Variants in DCC observed in about 807,000 individuals in gnomAD.
DCC encodes the protein netrin receptor DCC.
DCC carries 58 observed loss-of-function variants against 172.5 expected under a neutral mutation model. The ratio of observed to expected loss-of-function variants is 0.34; its 90% confidence interval spans 0.27 to 0.42. The LOEUF (loss-of-function observed/expected upper bound fraction) is 0.42. DCC is among the 10% of genes least tolerant of loss of function. The pLI is 1.00. For missense variants in DCC, 1,740 were observed against 1,791.0 expected (o/e 0.97, Z 0.51); for synonymous variants, 709 against 644.5 (o/e 1.10, Z -1.52).
At chr18:52,889,931 GA>G (rs975815114) in intron 2 of DCC, among the ~76,000 whole-genome samples, 60 of 152,172 alleles carry the variant, frequency 3.9e-4, no homozygotes, top group African/African-American at 1.4e-3. Context: ...AAAACAAGGA[GA>G]GTGTTAATTG....
intron 1 of DCC, among the ~76,000 whole-genome samples, chr18:52,644,036 A>G (rs1427209677): frequency 1.3e-5 from 2 of 152,130 alleles, no homozygotes; most frequent in Admixed American, 1.3e-4. Context: ...GAAGGAGTCC[A>G]TATGAAATCC....
intron 25 of DCC, among the ~76,000 whole-genome samples, chr18:53,470,928 C>A (rs2045688276): frequency 1.3e-5 from 2 of 152,284 alleles, no homozygotes; most frequent in Admixed American, 6.5e-5. Context: ...TATAAATCAA[C>A]TTACTCTGTT....
In DCC at chr18:53,518,655, T is replaced by A. The variant is rs192773987; in HGVS notation, c.4112-7962T>A. On this transcript the variant is annotated intron_variant, in intron 27 of 28. Coordinates refer to ENST00000442544, the MANE Select transcript of DCC (RefSeq NM_005215.4). The stretch of plus-strand genomic sequence containing the variant: ...CTCTTAGTGGGTCCTGCTGAGGAGA[T>A]AACACTAAAACCAAAGCGATGCTCA... 2.0e-4 allele frequency among the ~76,000 whole-genome samples: 30 copies of A among 152,256 alleles called. No individual in the cohort carries two copies. In the East Asian group the frequency reaches 5.0e-3, roughly 25 times the overall value.
Position 53,534,581 on chromosome 18 carries a change from G to A in DCC, c.*3928G>A, listed in dbSNP as rs1198025582. ...TCAGAAATCACTTTAGTATTGTACA[G>A]AAAAGCTTTTTATTTGAGTCTAGTG... On this transcript the variant is annotated 3_prime_UTR_variant, in exon 29 of 29. Coordinates refer to ENST00000442544, the MANE Select transcript of DCC (RefSeq NM_005215.4). 3 of 152,164 alleles carry A rather than the reference G, an allele frequency of 2.0e-5. No individual in the cohort carries two copies. Among genetic ancestry groups the A allele is most frequent in the African/African-American group, 7.2e-5 (3 of 41,450 alleles). 9.4% of individuals were successfully genotyped at this position (152,164 alleles called of 1,614,324 possible).
intron 7 of DCC, among the ~76,000 whole-genome samples, chr18:53,090,834 G>A (rs1307927639): frequency 2.7e-5 from 4 of 150,046 alleles, no homozygotes; most frequent in South Asian, 2.1e-4. Flanking sequence ...GTCTTAGGAC[G>A]TAGGACAATT....
At chr18:52,415,207 A>G (rs1986978235) in intron 1 of DCC, among the ~76,000 whole-genome samples, 1 of 152,142 alleles carries the variant, frequency 6.6e-6, no homozygotes, top group Non-Finnish European at 1.5e-5. Flanking sequence ...ACCTTTTCAT[A>G]TATTTTTTCA....
rs556114370 is a variant in DCC, at chr18:52,997,486, A to G, written c.986-65819A>G. On this transcript the variant is annotated intron_variant, in intron 5 of 28. Coordinates refer to ENST00000442544, the MANE Select transcript of DCC (RefSeq NM_005215.4). ...CTAAGTCTCCATTCAGGATTCACATATGCCAAAATATGATAGGACAGACTT... is the reference window on the plus strand; with the variant it reads ...CTAAGTCTCCATTCAGGATTCACATGTGCCAAAATATGATAGGACAGACTT... Among the ~76,000 whole-genome samples the G allele has an allele frequency of 2.6e-5, 4 of 152,236 alleles. No homozygotes were observed. The East Asian group carries it at 7.7e-4, about 29-fold the overall frequency.
intron 1 of DCC, among the ~76,000 whole-genome samples, chr18:52,521,513 G>A (rs1027073882): frequency 1.3e-5 from 2 of 152,128 alleles, no homozygotes; most frequent in Non-Finnish European, 2.9e-5. Flanking sequence ...CTTACTGTGT[G>A]CCTACATGGC....
At chr18:53,366,352 A>G (rs987424690) in intron 15 of DCC, among the ~76,000 whole-genome samples, 3 of 152,172 alleles carry the variant, frequency 2.0e-5, no homozygotes, top group Non-Finnish European at 2.9e-5. Context: ...CCAGCCCTTA[A>G]TATGTTAATA....
intron 1 of DCC, among the ~76,000 whole-genome samples, chr18:52,712,824 C>G (rs1474415075): frequency 6.6e-6 from 1 of 152,162 alleles, no homozygotes; most frequent in African/African-American, 2.4e-5. Flanking sequence ...AGAGGGAGAG[C>G]TGCAGATGGA....
At chr18:53,310,991 G>GAC (rs5825008) in intron 13 of DCC, among the ~76,000 whole-genome samples, 3,304 of 145,782 alleles carry the variant, frequency 0.023, 38 homozygotes, top group African/African-American at 0.037. Flanking sequence ...AAGCATCTAG[G>GAC]ACACACACAC....
intron 12 of DCC, among the ~76,000 whole-genome samples, chr18:53,264,422 G>A (rs1598962702): frequency 6.7e-6 from 1 of 148,976 alleles, no homozygotes; most frequent in East Asian, 2.0e-4. Flanking sequence ...GTTGCAGTGA[G>A]CTGAGATTGC....
intron 2 of DCC, among the ~76,000 whole-genome samples, chr18:52,825,164 T>A (rs890469461): frequency 1.4e-4 from 22 of 152,214 alleles, no homozygotes; most frequent in African/African-American, 5.3e-4. Context: ...AATTCATTAT[T>A]GTAATGATAT....
intron 2 of DCC, among the ~76,000 whole-genome samples, chr18:52,833,184 C>T (rs2038647463): frequency 6.6e-6 from 1 of 152,134 alleles, no homozygotes; most frequent in African/African-American, 2.4e-5. Flanking sequence ...ATTACCTCCA[C>T]TTAGCAAGTC....
chr18:52,491,153 CTCTTTA>C (rs2030479495), intron 1 of DCC, among the ~76,000 whole-genome samples: 1 of 151,976 alleles, frequency 6.6e-6, no homozygotes, highest in South Asian at 2.1e-4. Context: ...TTCCTCTTTT[CTCTTTA>C]TCTTACCCCA....
chr18:52,583,018 A>G (rs530636674), intron 1 of DCC, among the ~76,000 whole-genome samples: 1 of 152,308 alleles, frequency 6.6e-6, no homozygotes, highest in South Asian at 2.1e-4. Flanking sequence ...CAAAAATTAT[A>G]GAGTATCTGA....
chr18:52,922,533 C>T (rs902133417), intron 3 of DCC, among the ~76,000 whole-genome samples: 1 of 152,136 alleles, frequency 6.6e-6, no homozygotes, highest in Non-Finnish European at 1.5e-5. Flanking sequence ...TCTTTGCATC[C>T]AGATTTTGCT....
chr18:53,277,232 G>C (rs1023230655), intron 12 of DCC, among the ~76,000 whole-genome samples: 6 of 152,146 alleles, frequency 3.9e-5, no homozygotes, highest in African/African-American at 1.2e-4. Context: ...CACTTTGGGA[G>C]GCCAAGGCGG....
intron 1 of DCC, among the ~76,000 whole-genome samples, chr18:52,380,048 T>A (rs1985518662): frequency 6.6e-6 from 1 of 151,992 alleles, no homozygotes; most frequent in African/African-American, 2.4e-5. Context: ...TGCCACATCC[T>A]CTGGAGGGGA....
Sources: allele counts gnomAD v4.1 joint callset (sites outside exome capture counted in the v4.1 genomes callset), GRCh38; gene constraint gnomAD v4.1.1; transcripts MANE v1.5; gene names NCBI Gene and HGNC (gene_info 2026-07-23, HGNC 2026-07-21).